The following CCDC149 variants were observed in gnomAD, a reference collection of about 807,000 sequenced individuals.
CCDC149 encodes the protein coiled-coil domain containing 149, also known as coiled-coil domain-containing protein 149.
A neutral mutation model predicts 59.9 loss-of-function variants in CCDC149; 45 were observed. The observed-to-expected ratio is 0.75, with a 90% confidence interval of 0.59 to 0.96. CCDC149 has a LOEUF of 0.96. CCDC149 is among the 40% of genes least tolerant of loss of function. The pLI is 0.00. For missense variants in CCDC149, 584 were observed against 664.7 expected (o/e 0.88, Z 1.33); for synonymous variants, 245 against 260.6 (o/e 0.94, Z 0.58).
At chr4:24,830,663 A>C (rs2086306340) in intron 9 of CCDC149, 1 of 152,040 alleles carries the variant, frequency 6.6e-6, no homozygotes, top group South Asian at 2.1e-4. Flanking sequence ...GTTCTCTCAC[A>C]CTTGCATTTT....
chr4:24,884,747 C>T (rs976853814), intron 1 of CCDC149, among the ~76,000 whole-genome samples: 3 of 152,098 alleles, frequency 2.0e-5, no homozygotes, highest in Non-Finnish European at 2.9e-5. Flanking sequence ...ACAGCATCTT[C>T]GGAGGGTTGG....
intron 9 of CCDC149, among the ~76,000 whole-genome samples, chr4:24,825,583 C>G (rs1715677395): frequency 6.6e-6 from 1 of 151,972 alleles, no homozygotes; most frequent in Admixed American, 6.5e-5. Context: ...ACCATCCTGG[C>G]TAACATGGTG....
chr4:24,970,352 G>C (rs954286076), intron 1 of CCDC149, among the ~76,000 whole-genome samples: 3 of 152,188 alleles, frequency 2.0e-5, no homozygotes, highest in African/African-American at 7.2e-5. Flanking sequence ...TGGAGACTTG[G>C]ACACCTGTGG....
In CCDC149 at chr4:24,837,028, T is replaced by A. The variant is rs186295362; in HGVS notation, c.662+200A>T. Among the ~76,000 whole-genome samples, 401 of 150,596 alleles carry A rather than the reference T, an allele frequency of 2.7e-3. 3 individuals carry two copies. The highest frequency in any genetic ancestry group is 9.2e-3 in the African/African-American group (377 of 40,936). ...GGAAAGAGAAGGGAGATGTGTGCAC[T>A]GTGTAGGTGTGGGCTGCTTTCCTTT... On this transcript the variant is annotated intron_variant, in intron 6 of 12. Coordinates refer to ENST00000635206, the MANE Select transcript of CCDC149 (RefSeq NM_001330643.2). This position sits in a 1 kb window ranked among gnomAD's most constrained non-coding sequence, Gnocchi z 4.3.
At chr4:24,915,650 A>G (rs2109333472), upstream of CCDC149, among the ~76,000 whole-genome samples, 1 of 152,098 alleles carries the variant, frequency 6.6e-6, no homozygotes, top group East Asian at 1.9e-4. Context: ...GCAAGCCTCT[A>G]CCCTCCCCAG....
At chr4:24,850,628 G>C (rs570431335) in intron 4 of CCDC149, among the ~76,000 whole-genome samples, 1 of 152,264 alleles carries the variant, frequency 6.6e-6, no homozygotes, top group South Asian at 2.1e-4. Flanking sequence ...TCAGATCATG[G>C]GGGCCTAGCA....
intron 12 of CCDC149, among the ~76,000 whole-genome samples, 152 bp downstream of exon 12, chr4:24,819,707 C>A (rs1715241158): frequency 6.6e-6 from 1 of 152,184 alleles, no homozygotes; most frequent in South Asian, 2.1e-4. Flanking sequence ...ACAAGATGAA[C>A]CCACATAAGC....
intron 7 of CCDC149, 107 bp downstream of exon 7, chr4:24,836,329 G>A: frequency 1.3e-6 from 1 of 762,892 alleles, no homozygotes; most frequent in African/African-American, 1.7e-5. Context: ...TATCTGGGAG[G>A]GCAGGCAAGT....
chr4:24,865,889 T>G (rs1718665627), intron 3 of CCDC149, among the ~76,000 whole-genome samples: 1 of 152,156 alleles, frequency 6.6e-6, no homozygotes, highest in Non-Finnish European at 1.5e-5. Flanking sequence ...GTCCTCACAA[T>G]AAAGTTGCTG....
chr4:24,966,223 C>T (rs573729407), intron 1 of CCDC149, among the ~76,000 whole-genome samples: 21 of 152,204 alleles, frequency 1.4e-4, no homozygotes, highest in Admixed American at 3.3e-4. Flanking sequence ...CTGTGTGGAA[C>T]GACACTGGTG....
At chr4:24,876,338 C>CAG (rs1560231972) in intron 2 of CCDC149, among the ~76,000 whole-genome samples, 198 bp downstream of exon 2, 5 of 119,440 alleles carry the variant, frequency 4.2e-5, no homozygotes, top group East Asian at 2.2e-4. Context: ...CACACACACA[C>CAG]ACAGAGAGAG....
intron 1 of CCDC149, among the ~76,000 whole-genome samples, chr4:24,937,685 C>T (rs182991536): frequency 1.6e-4 from 25 of 152,294 alleles, no homozygotes; most frequent in Admixed American, 1.6e-3. Flanking sequence ...GAGCGTTACA[C>T]CCTGTCCCTT....
chr4:24,979,014 G>A (rs1032513611), intron 1 of CCDC149, among the ~76,000 whole-genome samples: 5 of 152,174 alleles, frequency 3.3e-5, no homozygotes, highest in African/African-American at 1.2e-4. Context: ...ATGGTTTGGG[G>A]GCACAGGAAT....
chr4:24,903,619 G>C (rs1394257255), intron 1 of CCDC149, among the ~76,000 whole-genome samples: 1 of 152,030 alleles, frequency 6.6e-6, no homozygotes, highest in African/African-American at 2.4e-5. Context: ...ATCCCTTTTA[G>C]GTGTAAGTGT....
chr4:24,845,751 G>A (rs1013487170), intron 4 of CCDC149, among the ~76,000 whole-genome samples: 1 of 152,160 alleles, frequency 6.6e-6, no homozygotes, highest in African/African-American at 2.4e-5. Context: ...CCTCCATGAG[G>A]CAAGTACTAC....
At chr4:24,872,252 A>G (rs1422795953) in intron 3 of CCDC149, among the ~76,000 whole-genome samples, 1 of 152,266 alleles carries the variant, frequency 6.6e-6, no homozygotes, top group Admixed American at 6.5e-5. Context: ...GTCAATAAAC[A>G]GTGTTGGCCA....
intron 12 of CCDC149, among the ~76,000 whole-genome samples, chr4:24,811,953 G>T (rs573225899): frequency 6.6e-6 from 1 of 151,788 alleles, no homozygotes; most frequent in African/African-American, 2.4e-5. Flanking sequence ...TCCATTTTCC[G>T]CCTCTCCCAG....
At chr4:24,905,832 A>G (rs1721474619) in intron 1 of CCDC149, among the ~76,000 whole-genome samples, 2 of 152,224 alleles carry the variant, frequency 1.3e-5, no homozygotes, top group Admixed American at 1.3e-4. Context: ...GAGTGGCCGT[A>G]TGACTATGCT....
rs57205804 is a variant in CCDC149 at position 24,931,829 on chromosome 4, G to GTATATATATATATATATATATATATATA, written c.-64-36712_-64-36711insTATATATATATATATATATATATATATA. 3.7e-3 allele frequency among the ~76,000 whole-genome samples: 284 copies of GTATATATATATATATATATATATATATA among 76,820 alleles called. 20 individuals are homozygous for GTATATATATATATATATATATATATATA. Among genetic ancestry groups the GTATATATATATATATATATATATATATA allele is most frequent in the African/African-American group, 6.9e-3 (113 of 16,468 alleles). 50.4% of individuals were successfully genotyped at this position (76,820 alleles called of 152,430 possible). A position where few individuals can be genotyped will look rare whatever the true frequency, so the allele number is the denominator to read the frequency against. On this transcript the variant is annotated intron_variant, in intron 1 of 12. Transcript: ENST00000389609. ...CTCCCTTATATTGTATGGAGAGTATGTATATATATATATATATATATATGC... is the reference window on the plus strand; with the variant it reads ...CTCCCTTATATTGTATGGAGAGTATGTATATATATATATATATATATATATATATATATATATATATATATATATATGC...
Sources: allele counts gnomAD v4.1 joint callset (sites outside exome capture counted in the v4.1 genomes callset), GRCh38; gene constraint gnomAD v4.1.1; non-coding constraint Gnocchi (gnomAD v3.1); transcripts MANE v1.5; gene names NCBI Gene and HGNC (gene_info 2026-07-23, HGNC 2026-07-21).